Variants in TNR observed in about 807,000 individuals in gnomAD.
The protein encoded by TNR is tenascin-R.
Under a neutral mutation model 150.4 loss-of-function variants are expected in TNR, and 45 were observed. The ratio of observed to expected loss-of-function variants is 0.30; its 90% CI spans 0.24 to 0.38. The LOEUF (loss-of-function observed/expected upper bound fraction) is 0.38, where lower values mean the gene tolerates loss of function less well. TNR is among the 10% of genes least tolerant of loss of function. The pLI, the probability that TNR is intolerant of heterozygous loss-of-function variation, is 1.00. For missense variants in TNR, 1,544 were observed against 1,759.1 expected, an observed-to-expected ratio of 0.88 and a Z score of 2.19; for synonymous variants, 687 against 678.4, an observed-to-expected ratio of 1.01 and a Z score of -0.20.
At chr1:175,672,758 AGC>A (rs1348070977) in intron 1 of TNR, among the ~76,000 whole-genome samples, 7 of 152,240 alleles carry the variant, frequency 4.6e-5, no homozygotes, top group African/African-American at 1.4e-4. Context: ...AGGAGGAGGA[AGC>A]AGGTGCATCC....
intron 1 of TNR, among the ~76,000 whole-genome samples, chr1:175,585,798 C>T (rs1420867864): frequency 6.6e-6 from 1 of 152,150 alleles, no homozygotes; most frequent in Non-Finnish European, 1.5e-5. Flanking sequence ...TCTCTCCCTT[C>T]TTTCCTTTCC....
intron 2 of TNR, among the ~76,000 whole-genome samples, chr1:175,407,861 T>A (rs1398847249): frequency 1.3e-5 from 2 of 152,190 alleles, no homozygotes; most frequent in Non-Finnish European, 2.9e-5. Flanking sequence ...CCAAAACCTG[T>A]GTTATCAATT....
At chr1:175,536,497 C>T (rs1660289835) in intron 1 of TNR, among the ~76,000 whole-genome samples, 1 of 152,232 alleles carries the variant, frequency 6.6e-6, no homozygotes. Context: ...GATTGTGTAA[C>T]TTGCTCAAGG....
intron 2 of TNR, among the ~76,000 whole-genome samples, chr1:175,497,811 G>C (rs1228635551): frequency 6.6e-6 from 1 of 152,144 alleles, no homozygotes; most frequent in Admixed American, 6.5e-5. Flanking sequence ...TGTAATCCTA[G>C]CACTTTGGGA....
intron 1 of TNR, among the ~76,000 whole-genome samples, chr1:175,547,577 GA>G (rs1388929646): frequency 3.8e-5 from 4 of 104,692 alleles, no homozygotes; most frequent in African/African-American, 1.5e-4. Context: ...AAGAAAGAAA[GA>G]AAGAAAGAAA....
At chr1:175,345,129 A>C (rs1650718372) in intron 18 of TNR, among the ~76,000 whole-genome samples, 1 of 152,070 alleles carries the variant, frequency 6.6e-6, no homozygotes. Context: ...AAACAAAACA[A>C]AACAACAACA....
chr1:175,719,669 G>A (rs1667248229), intron 1 of TNR, among the ~76,000 whole-genome samples: 1 of 152,202 alleles, frequency 6.6e-6, no homozygotes, highest in South Asian at 2.1e-4. Context: ...AGTCTTGCAG[G>A]AAAGATAGCC....
intron 2 of TNR, among the ~76,000 whole-genome samples, chr1:175,501,169 A>T (rs1327259763): frequency 2.6e-5 from 4 of 152,236 alleles, no homozygotes; most frequent in Non-Finnish European, 5.9e-5. Context: ...TAGGTAATCT[A>T]GCCTGATCTA....
At chr1:175,330,536 C>T (rs937470203) in intron 20 of TNR, 1 of 256,946 alleles carries the variant, frequency 3.9e-6, no homozygotes, top group African/African-American at 2.2e-5. Flanking sequence ...TGGCCCTGTC[C>T]CCTCTCACCT....
intron 2 of TNR, among the ~76,000 whole-genome samples, chr1:175,407,439 T>A (rs1476576980): frequency 3.3e-5 from 5 of 152,198 alleles, no homozygotes; most frequent in Non-Finnish European, 7.3e-5. Context: ...TTCTTCCAAG[T>A]TCCTGTTTAA....
intron 1 of TNR, among the ~76,000 whole-genome samples, chr1:175,718,075 G>A (rs1270327280): frequency 1.3e-5 from 2 of 152,190 alleles, no homozygotes; most frequent in African/African-American, 4.8e-5. Flanking sequence ...GTCCCTTTTG[G>A]CGCAGCCATC....
intron 1 of TNR, among the ~76,000 whole-genome samples, chr1:175,532,300 T>C (rs1378735087): frequency 1.3e-5 from 2 of 152,214 alleles, no homozygotes; most frequent in Admixed American, 1.3e-4. Flanking sequence ...ATGGATCAGA[T>C]TGTGAACAAC....
chr1:175,323,542 G>A, intron 22 of TNR, 66 bp from the exon 23 acceptor site: 2 of 1,582,850 alleles, frequency 1.3e-6, no homozygotes, highest in Non-Finnish European at 1.7e-6. Flanking sequence ...TTCAAAAAAG[G>A]GGTAATTATG....
chr1:175,434,585 C>T (rs1469982215), intron 2 of TNR, among the ~76,000 whole-genome samples: 4 of 152,088 alleles, frequency 2.6e-5, no homozygotes, highest in African/African-American at 9.7e-5. Flanking sequence ...GAAATGTCTC[C>T]CCAACATCTA....
chr1:175,543,532 A>G (rs1169196927), intron 1 of TNR, among the ~76,000 whole-genome samples: 2 of 152,206 alleles, frequency 1.3e-5, no homozygotes, highest in Admixed American at 6.5e-5. Context: ...CCACTGAGCT[A>G]ATGGAACACA....
chr1:175,428,405 G>GC (rs1655109381), intron 2 of TNR, among the ~76,000 whole-genome samples: 1 of 152,136 alleles, frequency 6.6e-6, no homozygotes, highest in African/African-American at 2.4e-5. Context: ...TTCAAATCCT[G>GC]CTAAGTTTAT....
At chr1:175,622,835 G>T (rs962979931) in intron 1 of TNR, among the ~76,000 whole-genome samples, 5 of 152,100 alleles carry the variant, frequency 3.3e-5, no homozygotes, top group Non-Finnish European at 7.4e-5. Flanking sequence ...GGTGATTTAT[G>T]GGCACTCTCT....
chr1:175,497,620 G>C (rs57795505), intron 2 of TNR, among the ~76,000 whole-genome samples: 8,750 of 152,244 alleles, frequency 0.057, 520 homozygotes, highest in African/African-American at 0.15. Flanking sequence ...CCTTGTGGGA[G>C]AAATAGGCTT....
In TNR at chr1:175,710,691, G is replaced by A. The variant is rs1666986357; in HGVS notation, c.-165+32535C>T. ...TTCCCACTTCCACTCTCCAAGCTTA[G>A]GCCCTAACCACTTTTTTAAAATGAC... On this transcript the variant is annotated intron_variant, in intron 1 of 22. Transcript: ENST00000367674. Among the ~76,000 whole-genome samples, 2 of 152,064 alleles carry A rather than the reference G, an allele frequency of 1.3e-5. 1 individual carries two copies. The highest frequency in any genetic ancestry group is 4.2e-4 in the South Asian group (2 of 4,812).
Sources: gnomAD v4.1 joint callset for allele counts (sites outside exome capture counted in the v4.1 genomes callset) on GRCh38, gnomAD v4.1.1 for gene constraint, MANE v1.5 for transcripts, NCBI Gene and HGNC (gene_info 2026-07-23, HGNC 2026-07-21) for gene names.